The following MON2 variants were observed in gnomAD, a reference collection of about 807,000 sequenced individuals.
MON2 encodes MON2 regulator of endosome-to-Golgi trafficking.
MON2 carries 84 observed loss-of-function variants against 208.6 expected under a neutral mutation model. The observed-to-expected ratio is 0.40, with a 90% CI of 0.34 to 0.48. MON2 has a LOEUF of 0.48. Among genes scored for constraint, MON2 ranks in the 20% least tolerant of loss-of-function variants. The probability of loss-of-function intolerance (pLI) is 0.59; values close to 1 mark genes in which losing one functional copy is unlikely to be tolerated. For synonymous variants in MON2, 660 were observed against 694.0 expected, an observed-to-expected ratio of 0.95 and a Z score of 0.77; for missense variants, 1,611 against 2,015.4, an observed-to-expected ratio of 0.80 and a Z score of 3.84.
At chr12:62,577,094 T>C (rs904461478) in intron 30 of MON2, among the ~76,000 whole-genome samples, 2 of 152,070 alleles carry the variant, frequency 1.3e-5, no homozygotes, top group Non-Finnish European at 2.9e-5. Flanking sequence ...CTTTTAATAT[T>C]ACTAAACCCT....
At chr12:62,551,825 A>G (rs1225742937) in intron 23 of MON2, among the ~76,000 whole-genome samples, 1 of 152,254 alleles carries the variant, frequency 6.6e-6, no homozygotes, top group African/African-American at 2.4e-5. Context: ...TTAAATGTAT[A>G]TTAAAACTCA....
intron 19 of MON2, 137 bp downstream of exon 19, chr12:62,538,642 CTT>C (rs1489543949): frequency 1.6e-6 from 1 of 632,674 alleles, no homozygotes. Flanking sequence ...GTTTTTACCA[CTT>C]ATCGTTATTT....
In MON2 at chr12:62,543,135, T is replaced by C; in HGVS notation, c.2403T>C (p.Thr801=). 1 of 1,580,234 alleles carries C rather than the reference T, an allele frequency of 6.3e-7. No homozygotes were observed. The highest frequency in any genetic ancestry group is 8.6e-7 in the Non-Finnish European group (1 of 1,167,608). ...TTGCTGTTGCCAAATTGTTAGAAAC[T>C]GGTTTAGTTAATATGCACCGAATAG... is the stretch of plus-strand genomic sequence containing the variant. The part of the protein sequence containing the change: ...SLFAVAKLLE[T]GLVNMHRIEI... Residue 801 remains threonine (T), a synonymous_variant, in exon 20 of 35, where the codon ACT becomes ACC. Coordinates refer to ENST00000393630, the MANE Select transcript of MON2 (RefSeq NM_015026.3).
chr12:62,600,151 G>A lies in MON2; in HGVS notation c.*7402G>A, dbSNP rs993898620. ...ATGGAGTTAATCGTGGTATTTAACA[G>A]AATTCAAAATGTAGTGTGTTCTAAA... On this transcript the variant is annotated 3_prime_UTR_variant, in exon 35 of 35. Transcript: ENST00000393630. 1.3e-5 allele frequency: 2 copies of A among 152,196 alleles called. No individual in the cohort carries two copies. The highest frequency in any genetic ancestry group is 2.4e-5 in the African/African-American group (1 of 41,432). The allele number at this position is 152,196 out of a possible 1,614,324, so 9.4% of individuals were successfully genotyped here.
intron 32 of MON2, among the ~76,000 whole-genome samples, chr12:62,582,405 C>T (rs1011757317): frequency 7.9e-5 from 12 of 152,200 alleles, no homozygotes; most frequent in African/African-American, 1.9e-4. Context: ...GAGTCCTTCA[C>T]CACCACAACA....
intron 19 of MON2, among the ~76,000 whole-genome samples, chr12:62,539,217 A>T (rs981133131): frequency 6.6e-6 from 1 of 152,128 alleles, no homozygotes; most frequent in Non-Finnish European, 1.5e-5. Context: ...AAATTTATAT[A>T]ATTTAAAGCT....
intron 34 of MON2, among the ~76,000 whole-genome samples, chr12:62,592,246 A>G (rs2075419559): frequency 6.6e-6 from 1 of 152,192 alleles, no homozygotes; most frequent in Non-Finnish European, 1.5e-5. Context: ...AATGTACACT[A>G]CATCCTCTCG....
At position 62,549,848 on chromosome 12, in the gene MON2, T is replaced by C; in HGVS notation, c.2916+18T>C. ...GTTTATTGGTAAGTATCATTGTCCT[T>C]AGAATATAATATAATTTAGAAATCA... On this transcript the variant is annotated intron_variant, in intron 23 of 34. Transcript: ENST00000393630. 1.4e-6 allele frequency: 2 copies of C among 1,443,834 alleles called. No homozygotes were observed. Among genetic ancestry groups the C allele is most frequent in the African/African-American group, 1.4e-5 (1 of 70,024 alleles). The allele number at this position is 1,443,834 out of a possible 1,614,324, so 89.4% of individuals were successfully genotyped here. A position where few individuals can be genotyped will look rare whatever the true frequency, so the allele number is the denominator to read the frequency against.
intron 34 of MON2, among the ~76,000 whole-genome samples, chr12:62,590,337 C>T (rs889397725): frequency 6.6e-6 from 1 of 152,140 alleles, no homozygotes; most frequent in Non-Finnish European, 1.5e-5. Flanking sequence ...AAGCAGTCTG[C>T]CCACCTTGGC....
intron 8 of MON2, among the ~76,000 whole-genome samples, chr12:62,522,476 T>G (rs2072099668): frequency 1.3e-5 from 2 of 152,218 alleles, no homozygotes; most frequent in Admixed American, 1.3e-4. Context: ...TATGTGATAT[T>G]GAGATTAGAA....
intron 18 of MON2, 39 bp from the exon 19 acceptor site, chr12:62,538,376 T>G (rs768266121): frequency 6.3e-7 from 1 of 1,588,844 alleles, no homozygotes; most frequent in Non-Finnish European, 8.6e-7. Context: ...TGTTATATAT[T>G]TTAGATCAAG....
intron 30 of MON2, 120 bp downstream of exon 30, chr12:62,571,702 A>G (rs2074602708): frequency 4.9e-6 from 4 of 808,496 alleles, no homozygotes; most frequent in Admixed American, 3.3e-5. Context: ...GCTAGATTGT[A>G]TTAAAAACAC....
At position 62,538,257 on chromosome 12, in the gene MON2, A is replaced by G. The variant is rs768649642; in HGVS notation, c.2205A>G (p.Leu735=). The change falls in exon 18 of 35, where the codon CTA becomes CTG. Residue 735 remains leucine, a synonymous_variant. Transcript: ENST00000393630. ...GRAVEGPSTV[L]TTAVMTDLPV... Reference sequence around the variant, plus strand: ...TTTAATTTTATTCTTCTCAGGTTCTAACAACAGCAGTGATGACAGATTTAC... The same window carrying G: ...TTTAATTTTATTCTTCTCAGGTTCTGACAACAGCAGTGATGACAGATTTAC... 3 of 1,613,334 alleles carry G rather than the reference A, an allele frequency of 1.9e-6. No individual in the cohort carries two copies. The highest frequency in any genetic ancestry group is 1.7e-4 in the Middle Eastern group (1 of 6,054).
rs547695465 is a variant in MON2 at position 62,513,957 on chromosome 12, A to AAAAG, written c.984+5497_984+5500dup. Among the ~76,000 whole-genome samples the AAAAG allele has an allele frequency of 3.3e-4, 49 of 146,800 alleles. 4 individuals carry two copies. Among genetic ancestry groups the AAAAG allele is most frequent in the Middle Eastern group, 3.4e-3 (1 of 290 alleles). ...AGAGCGAGACTCCATCTCAAAAAAAAAAAGAAAGAAAGAAAGAAAGAAATG... is the reference window on the plus strand; with the variant it reads ...AGAGCGAGACTCCATCTCAAAAAAAAAAAGAAAGAAAGAAAGAAAGAAAGAAATG... On this transcript the variant is annotated intron_variant, in intron 8 of 34. Coordinates refer to ENST00000393630, the MANE Select transcript of MON2 (RefSeq NM_015026.3).
chr12:62,556,328 C>T lies in MON2; in HGVS notation c.3409+136C>T, dbSNP rs138191675. ...GTGTGTAAGCATCTGTGTTTTCATTCGTTTGTACCTACTGTGGGCTAGCCT... is the reference window on the plus strand; with the variant it reads ...GTGTGTAAGCATCTGTGTTTTCATTTGTTTGTACCTACTGTGGGCTAGCCT... On this transcript the variant is annotated intron_variant, in intron 25 of 34. Transcript: ENST00000393630. The T allele has an allele frequency of 2.0e-4, 170 of 847,490 alleles. 1 individual carries two copies. In the East Asian group the frequency reaches 3.8e-3, roughly 19 times the overall value. The allele number at this position is 847,490 out of a possible 1,614,324, so 52.5% of individuals were successfully genotyped here.
At chr12:62,501,739 T>C (rs766476263) in intron 7 of MON2, 41 bp downstream of exon 7, 2 of 1,606,030 alleles carry the variant, frequency 1.2e-6, no homozygotes, top group South Asian at 1.1e-5. Context: ...TTAATCTGAA[T>C]TGTTTTACAG....
At chr12:62,546,359 A>G (rs1004382062) in intron 21 of MON2, among the ~76,000 whole-genome samples, 5 of 152,186 alleles carry the variant, frequency 3.3e-5, no homozygotes, top group South Asian at 4.1e-4. Context: ...CCATTTATCT[A>G]AAATCTAACA....
At chr12:62,472,135 T>C (rs370822295) in intron 1 of MON2, among the ~76,000 whole-genome samples, 2 of 152,166 alleles carry the variant, frequency 1.3e-5, no homozygotes, top group African/African-American at 4.8e-5. Context: ...TTGTGAGAGC[T>C]AGGTTGGATT....
rs1452391912 is a variant in MON2 at position 62,538,116 on chromosome 12, A to G, written c.2139A>G (p.Gly713=). ...ATLQHLVWIL[G]LKPSSGGALK... is the part of the protein sequence containing the mutation. Reference sequence around the variant, plus strand: ...TACAGCATCTTGTGTGGATTCTGGGATTAAAGCCTAGTAGTGGCGGTGCCT... The same window carrying G: ...TACAGCATCTTGTGTGGATTCTGGGGTTAAAGCCTAGTAGTGGCGGTGCCT... The change falls in exon 17 of 35, where the codon GGA becomes GGG. Residue 713 remains glycine (G), a synonymous_variant. Coordinates refer to ENST00000393630, the MANE Select transcript of MON2 (RefSeq NM_015026.3). 6.2e-7 allele frequency: 1 copy of G among 1,613,634 alleles called. No individual in the cohort carries two copies.
Sources: allele counts gnomAD v4.1 joint callset (sites outside exome capture counted in the v4.1 genomes callset), GRCh38; gene constraint gnomAD v4.1.1; transcripts MANE v1.5; gene names NCBI Gene and HGNC (gene_info 2026-07-23, HGNC 2026-07-21).